Variants in IL16 observed in about 807,000 individuals in gnomAD.
IL16 encodes pro-interleukin-16.
IL16 carries 67 observed loss-of-function variants against 110.1 expected under a neutral mutation model. The ratio of observed to expected loss-of-function variants is 0.61; its 90% CI spans 0.50 to 0.75. The LOEUF is 0.75. Among genes scored for constraint, IL16 ranks in the 30% least tolerant of loss-of-function variants. IL16 has a pLI of 0.00. For synonymous variants in IL16, 689 were observed against 662.9 expected (o/e 1.04, Z -0.61); for missense variants, 1,545 against 1,655.0 (o/e 0.93, Z 1.15).
chr15:81,184,845 A>T (rs1895395625), intron 1 of IL16, among the ~76,000 whole-genome samples: 1 of 152,186 alleles, frequency 6.6e-6, no homozygotes, highest in African/African-American at 2.4e-5. Context: ...GTGTTGGACT[A>T]GACATGGCCT....
intron 13 of IL16, 50 bp from the exon 14 acceptor site, chr15:81,299,330 A>G: frequency 6.2e-7 from 1 of 1,603,050 alleles, no homozygotes; most frequent in Non-Finnish European, 8.5e-7. Flanking sequence ...TAGGAAGAAA[A>G]GTCACTGTAT....
upstream of IL16, among the ~76,000 whole-genome samples, chr15:81,195,427 G>A (rs1895572688): frequency 6.6e-6 from 1 of 152,168 alleles, no homozygotes; most frequent in South Asian, 2.1e-4. Flanking sequence ...AGCTGAGCAG[G>A]CGACACTGAC....
chr15:81,262,951 A>C (rs890061003), intron 3 of IL16, among the ~76,000 whole-genome samples: 3 of 152,234 alleles, frequency 2.0e-5, no homozygotes, highest in African/African-American at 7.2e-5. Context: ...AAAGAAGCTC[A>C]GATAGTTGAA....
In IL16 at chr15:81,285,803, C is replaced by T; in HGVS notation, c.1305C>T (p.Ile435=). 1 of 1,614,218 alleles carries T rather than the reference C, an allele frequency of 6.2e-7. No individual in the cohort carries two copies. Among genetic ancestry groups the T allele is most frequent in the Non-Finnish European group, 8.5e-7 (1 of 1,180,032 alleles). The change falls in exon 10 of 19, where the codon ATC becomes ATT. Residue 435 remains isoleucine (I), a synonymous_variant. Transcript: ENST00000683961. ...ACTGTGATCCCGGTCCAGTCCCCAT[C>T]ATTGTTAGCCGACATCCAGACCCAC... ...LSHCDPGPVP[I]IVSRHPDPQV...
chr15:81,204,447 T>C (rs1895936347), intron 1 of IL16, among the ~76,000 whole-genome samples: 1 of 152,090 alleles, frequency 6.6e-6, no homozygotes, highest in Non-Finnish European at 1.5e-5. Flanking sequence ...CAGTATGATA[T>C]TGGCTGTGGG....
At chr15:81,288,021 T>C (rs575463002) in intron 10 of IL16, among the ~76,000 whole-genome samples, 1 of 152,294 alleles carries the variant, frequency 6.6e-6, no homozygotes, top group Admixed American at 6.5e-5. Context: ...TTAAGGAATG[T>C]GCATTCTCCC....
chr15:81,232,718 C>T (rs1166802972), intron 2 of IL16, among the ~76,000 whole-genome samples: 1 of 152,108 alleles, frequency 6.6e-6, no homozygotes, highest in Non-Finnish European at 1.5e-5. Flanking sequence ...CTCAATTTAG[C>T]TATGATGTAT....
intron 6 of IL16, among the ~76,000 whole-genome samples, chr15:81,278,426 T>C (rs1221247843): frequency 1.3e-5 from 2 of 152,332 alleles, no homozygotes; most frequent in African/African-American, 4.8e-5. Context: ...GAAAATGGCA[T>C]GGACAAGCAT....
intron 1 of IL16, among the ~76,000 whole-genome samples, chr15:81,206,245 A>AG: frequency 8.4e-6 from 1 of 118,438 alleles, no homozygotes; most frequent in South Asian, 2.6e-4. Context: ...ACAGACCTGG[A>AG]TGGTATAGCC....
intron 1 of IL16, among the ~76,000 whole-genome samples, chr15:81,216,340 C>T (rs1896430388): frequency 1.3e-5 from 2 of 152,200 alleles, no homozygotes; most frequent in Admixed American, 1.3e-4. Flanking sequence ...AGGCATCCTT[C>T]AGTTCCCTCA....
At chr15:81,306,706 A>G (rs1452630341) in intron 18 of IL16, 161 bp downstream of exon 18, 1 of 848,356 alleles carries the variant, frequency 1.2e-6, no homozygotes, top group Non-Finnish European at 1.9e-6. Context: ...TGCTTTTTCT[A>G]CTTTTTCTCC....
upstream of IL16, among the ~76,000 whole-genome samples, chr15:81,193,977 ATGTTACATTACTAGTTAAAAT>A (rs1262993432): frequency 6.6e-6 from 1 of 152,138 alleles, no homozygotes; most frequent in African/African-American, 2.4e-5. Context: ...ATTCTGCGTC[ATGTTACATTACTAGTTAAAAT>A]TGTTACATTA....
chr15:81,298,627 T>C (rs973550921), intron 13 of IL16, among the ~76,000 whole-genome samples: 2 of 152,202 alleles, frequency 1.3e-5, no homozygotes, highest in African/African-American at 2.4e-5. Flanking sequence ...GATTCCAGTA[T>C]GTAGCCAAGG....
chr15:81,182,968 C>A, intron 1 of IL16: 1 of 968,976 alleles, frequency 1.0e-6, no homozygotes, highest in Non-Finnish European at 1.4e-6. Context: ...CCCTTCCTGA[C>A]ATCCTCCCAG....
At chr15:81,212,612 C>G (rs1300586464) in intron 1 of IL16, among the ~76,000 whole-genome samples, 1 of 152,052 alleles carries the variant, frequency 6.6e-6, no homozygotes, top group Non-Finnish European at 1.5e-5. Context: ...ACTGGGATTA[C>G]AGGCTCCCTC....
chr15:81,265,109 A>C (rs1440929896), intron 3 of IL16, among the ~76,000 whole-genome samples: 1 of 152,076 alleles, frequency 6.6e-6, no homozygotes, highest in Non-Finnish European at 1.5e-5. Context: ...TCCACAAAGT[A>C]GAGGAAGCCT....
At chr15:81,185,212 G>C (rs1384093995) in intron 1 of IL16, among the ~76,000 whole-genome samples, 1 of 152,122 alleles carries the variant, frequency 6.6e-6, no homozygotes, top group African/African-American at 2.4e-5. Flanking sequence ...ATAGTTAAGA[G>C]CTATGTAATG....
intron 1 of IL16, among the ~76,000 whole-genome samples, chr15:81,199,738 C>T (rs1401831002): frequency 6.6e-6 from 1 of 152,188 alleles, no homozygotes; most frequent in Non-Finnish European, 1.5e-5. Flanking sequence ...TTCCCTGCTG[C>T]TCACTGCACC....
intron 2 of IL16, among the ~76,000 whole-genome samples, chr15:81,230,214 G>T (rs1896924043): frequency 6.6e-6 from 1 of 152,120 alleles, no homozygotes. Flanking sequence ...ATAAACAAAA[G>T]CAAATACAAT....
Sources: gnomAD v4.1 joint callset for allele counts (sites outside exome capture counted in the v4.1 genomes callset) on GRCh38, gnomAD v4.1.1 for gene constraint, MANE v1.5 for transcripts, NCBI Gene and HGNC (gene_info 2026-07-23, HGNC 2026-07-21) for gene names.